FMO3: variants seen among roughly 807,000 people sequenced by gnomAD.
FMO3 encodes the protein flavin containing dimethylaniline monoxygenase 3, also known as flavin-containing monooxygenase 3.
FMO3 carries 40 observed loss-of-function variants against 39.4 expected under a neutral mutation model. The ratio of observed to expected loss-of-function variants is 1.02; its 90% CI spans 0.79 to 1.32. The LOEUF (loss-of-function observed/expected upper bound fraction) is 1.32, where lower values mean the gene tolerates loss of function less well. Among genes scored for constraint, FMO3 ranks in the 40% most tolerant of loss-of-function variants. The pLI is 0.00. For synonymous variants in FMO3, 219 were observed against 228.8 expected (o/e 0.96, Z 0.39); for missense variants, 680 against 651.8 (o/e 1.04, Z -0.47).
intron 3 of FMO3, among the ~76,000 whole-genome samples, chr1:171,105,065 TA>T (rs5778693): frequency 6.6e-6 from 1 of 151,790 alleles, no homozygotes; most frequent in Non-Finnish European, 1.5e-5. Flanking sequence ...CTCAATTTTT[TA>T]AAAAAATCTT....
intron 7 of FMO3, among the ~76,000 whole-genome samples, chr1:171,115,877 T>C (rs1656123296): frequency 6.6e-6 from 1 of 152,244 alleles, no homozygotes; most frequent in African/African-American, 2.4e-5. Context: ...TGAAGATTTT[T>C]CTTCATAAAT....
In FMO3 at chr1:171,095,823, ATAGAT is replaced by A. The variant is rs1475029375; in HGVS notation, c.132+3036_132+3040del. 2.6e-5 allele frequency among the ~76,000 whole-genome samples: 3 copies of A among 113,916 alleles called. No individual in the cohort carries two copies. The South Asian group carries it at 7.6e-4, about 29-fold the overall frequency. 74.7% of individuals were successfully genotyped at this position (113,916 alleles called of 152,430 possible). On this transcript the variant is annotated intron_variant, in intron 2 of 8. Transcript: ENST00000367755. ...TATAAATATATATTTATATAACTAT[ATAGAT>A]TAAATATATAAACATATAATTATAT...
intron 5 of FMO3, among the ~76,000 whole-genome samples, chr1:171,110,215 C>A (rs944020729): frequency 1.3e-5 from 2 of 152,160 alleles, no homozygotes; most frequent in Admixed American, 6.5e-5. Flanking sequence ...AAATTTCTCA[C>A]CTTCTTTCCA....
chr1:171,101,056 T>C (rs1286682730), intron 2 of FMO3: 2 of 454,984 alleles, frequency 4.4e-6, no homozygotes, highest in Non-Finnish European at 8.8e-6. Flanking sequence ...GAAGATGCTA[T>C]GCTCTATCTT....
chr1:171,096,704 T>A (rs1299851789), intron 2 of FMO3, among the ~76,000 whole-genome samples: 1 of 111,354 alleles, frequency 9.0e-6, no homozygotes, highest in African/African-American at 3.6e-5. Context: ...TATAATTATA[T>A]AAAAATTAAT....
In FMO3 at chr1:171,096,039, AT is replaced by A. The variant is rs1326452294; in HGVS notation, c.132+3251del. ...TATTATATATTAATATATAATATAT[AT>A]TATATATAAATATATAATATATATT... On this transcript the variant is annotated intron_variant, in intron 2 of 8. Transcript: ENST00000367755. 4.3e-4 allele frequency among the ~76,000 whole-genome samples: 28 copies of A among 64,716 alleles called. 2 individuals carry two copies. The South Asian group carries it at 4.4e-3, about 10-fold the overall frequency. The allele number at this position is 64,716 out of a possible 152,430, so 42.5% of individuals were successfully genotyped here. A position where few individuals can be genotyped will look rare whatever the true frequency, so the allele number is the denominator to read the frequency against.
At chr1:171,097,477 G>T (rs1655162148) in intron 2 of FMO3, among the ~76,000 whole-genome samples, 1 of 125,270 alleles carries the variant, frequency 8.0e-6, no homozygotes. Context: ...TTTAATGACT[G>T]CCATTCTAAC....
At chr1:171,096,406 T>C (rs1246649171) in intron 2 of FMO3, among the ~76,000 whole-genome samples, 2 of 102,034 alleles carry the variant, frequency 2.0e-5, no homozygotes, top group Non-Finnish European at 3.4e-5. Context: ...ATTACATATA[T>C]ATTATATATG....
At chr1:171,098,354 G>C (rs1655201784) in intron 2 of FMO3, among the ~76,000 whole-genome samples, 4 of 152,098 alleles carry the variant, frequency 2.6e-5, no homozygotes. Flanking sequence ...GATGGGGATG[G>C]CATTGAATCT....
rs1345486982 is a variant in FMO3, at chr1:171,114,329, C to T, written c.1150C>T (p.Leu384Phe). ...TGGGGCTGCCATTCCCACAGTTGAC[C>T]TCCAGTCCCGCTGGGCAGCACAAGT... ...SLGAAIPTVD[L>F]QSRWAAQVIK... The change falls in exon 7 of 9, where the codon CTC (leucine) becomes TTC (phenylalanine). Residue 384 changes from leucine (L) to phenylalanine (F), a missense_variant. Physicochemically the swap from Leu to Phe is conservative, Grantham distance 22. Transcript: ENST00000367755. 3 of 1,613,780 alleles carry T rather than the reference C, an allele frequency of 1.9e-6. No individual in the cohort carries two copies. Among genetic ancestry groups the T allele is most frequent in the Admixed American group, 1.7e-5 (1 of 59,970 alleles).
rs886045559 is a variant in FMO3, at chr1:171,103,912, T to A, written c.260T>A (p.Ile87Asn). Reference sequence around the variant, plus strand: ...CCCAACTTTATGCACAACAGCAAGATCCAGGAATATATCATTGCATTTGCC... The same window carrying A: ...CCCAACTTTATGCACAACAGCAAGAACCAGGAATATATCATTGCATTTGCC... ...DFPNFMHNSK[I>N]QEYIIAFAKE... Residue 87 changes from isoleucine (I) to asparagine (N), a missense_variant, in exon 3 of 9, where the codon ATC (isoleucine) becomes AAC (asparagine). Physicochemically the swap from Ile to Asn is moderately radical, Grantham distance 149. Transcript: ENST00000367755. The A allele has an allele frequency of 5.0e-6, 8 of 1,613,900 alleles. No individual in the cohort carries two copies. The highest frequency in any genetic ancestry group is 6.8e-6 in the Non-Finnish European group (8 of 1,179,864).
chr1:171,093,584 TC>T (rs1654813562), intron 2 of FMO3, among the ~76,000 whole-genome samples: 1 of 152,020 alleles, frequency 6.6e-6, no homozygotes, highest in Non-Finnish European at 1.5e-5. Context: ...TATCCAATCA[TC>T]CTTATTGGAC....
chr1:171,098,357 T>C (rs1655202124), intron 2 of FMO3, among the ~76,000 whole-genome samples: 1 of 152,206 alleles, frequency 6.6e-6, no homozygotes, highest in Admixed American at 6.5e-5. Context: ...GGGGATGGCA[T>C]TGAATCTATA....
intron 2 of FMO3, among the ~76,000 whole-genome samples, chr1:171,096,094 T>TAATATATATTATATATTAATA (rs1655016193): frequency 1.4e-5 from 1 of 74,022 alleles, no homozygotes; most frequent in Non-Finnish European, 2.2e-5. Context: ...TATATTAATA[T>TAATATATATTATATATTAATA]TTTTATATAA....
At chr1:171,102,851 A>C (rs895898307) in intron 2 of FMO3, among the ~76,000 whole-genome samples, 2 of 152,190 alleles carry the variant, frequency 1.3e-5, no homozygotes, top group Non-Finnish European at 2.9e-5. Flanking sequence ...CTTAGAGTTA[A>C]AGAAAATTCA....
rs1655706919 is a variant in FMO3 at position 171,107,714 on chromosome 1, A to C, written c.361A>C (p.Thr121Pro). 1.2e-6 allele frequency: 2 copies of C among 1,613,170 alleles called. No individual in the cohort carries two copies. The highest frequency in any genetic ancestry group is 1.7e-6 in the Non-Finnish European group (2 of 1,179,350). ...TGTAAATAAACATCCTGATTTTGCA[A>C]CTACTGGCCAGTGGGATGTTACCAC... The part of the protein sequence containing the change: ...SSVNKHPDFA[T>P]TGQWDVTTER... The change falls in exon 4 of 9, where the codon ACT (threonine) becomes CCT (proline). Residue 121 changes from threonine (T) to proline (P), a missense_variant. Coordinates refer to ENST00000367755, the MANE Select transcript of FMO3 (RefSeq NM_001002294.3).
At chr1:171,109,484 C>A (rs1655799357) in intron 5 of FMO3, among the ~76,000 whole-genome samples, 1 of 141,672 alleles carries the variant, frequency 7.1e-6, no homozygotes, top group South Asian at 2.4e-4. Context: ...AAGGGAAGAT[C>A]AATTTCAGAG....
chr1:171,095,084 T>C (rs28363526), intron 2 of FMO3, among the ~76,000 whole-genome samples: 3,243 of 152,258 alleles, frequency 0.021, 105 homozygotes, highest in African/African-American at 0.073. Context: ...TTGTGTCAGC[T>C]ACAATTTCTT....
chr1:171,098,169 T>A (rs1044459966), intron 2 of FMO3, among the ~76,000 whole-genome samples: 2 of 152,196 alleles, frequency 1.3e-5, no homozygotes, highest in African/African-American at 4.8e-5. Flanking sequence ...TTGGTACCAG[T>A]ACCATGCTGT....
Sources: allele counts gnomAD v4.1 joint callset (sites outside exome capture counted in the v4.1 genomes callset), GRCh38; gene constraint gnomAD v4.1.1; transcripts MANE v1.5; gene names NCBI Gene and HGNC (gene_info 2026-07-23, HGNC 2026-07-21).